Variants in ELF1 observed in about 807,000 individuals in gnomAD.
The protein encoded by ELF1 is ETS-related transcription factor Elf-1.
Under a neutral mutation model 59.9 loss-of-function variants are expected in ELF1, and 24 were observed. The ratio of observed to expected loss-of-function variants is 0.40; its 90% CI spans 0.29 to 0.56. The LOEUF is 0.56. Ranked by LOEUF, ELF1 falls within the 20% of genes least tolerant of loss-of-function variation. The pLI is 0.44. For missense variants in ELF1, 627 were observed against 742.2 expected, an observed-to-expected ratio of 0.84 and a Z score of 1.80; for synonymous variants, 248 against 266.2, an observed-to-expected ratio of 0.93 and a Z score of 0.67.
chr13:41,024,207 A>G (rs1340689222), upstream of ELF1, among the ~76,000 whole-genome samples: 1 of 152,186 alleles, frequency 6.6e-6, no homozygotes, highest in Non-Finnish European at 1.5e-5. Flanking sequence ...CCCCTGAAGG[A>G]GCTTTATGAA....
upstream of ELF1, among the ~76,000 whole-genome samples, chr13:41,019,587 T>C (rs967680108): frequency 6.6e-6 from 1 of 152,140 alleles, no homozygotes; most frequent in East Asian, 1.9e-4. Flanking sequence ...TTAAAAACTA[T>C]ATATTGTTTT....
At chr13:41,028,676 T>G (rs1288116958) in intron 1 of ELF1, among the ~76,000 whole-genome samples, 2 of 152,238 alleles carry the variant, frequency 1.3e-5, no homozygotes, top group African/African-American at 4.8e-5. Context: ...TTCCTCTTAT[T>G]CCTTTACTAT....
intron 8 of ELF1, 137 bp from the exon 9 acceptor site, chr13:40,934,165 G>A: frequency 8.6e-7 from 1 of 1,164,720 alleles, no homozygotes; most frequent in Non-Finnish European, 1.2e-6. Context: ...AACAGAGCAT[G>A]ACCAATATCA....
intron 3 of ELF1, 172 bp from the exon 4 acceptor site, chr13:40,951,608 A>G (rs1032741723): frequency 2.4e-6 from 1 of 421,236 alleles, no homozygotes; most frequent in Non-Finnish European, 4.1e-6. Context: ...GCAGTGGCTC[A>G]TTCCTGTAAT....
rs141544096 is a variant in ELF1, at chr13:40,983,689, GA to G, written c.-228-1408del. Among the ~76,000 whole-genome samples, 234 of 150,528 alleles carry G rather than the reference GA, an allele frequency of 1.6e-3. 2 individuals are homozygous for G. The highest frequency in any genetic ancestry group is 4.9e-3 in the African/African-American group (202 of 41,042). On this transcript the variant is annotated intron_variant, in intron 1 of 8. Coordinates refer to ENST00000239882, the MANE Select transcript of ELF1 (RefSeq NM_172373.4). ...AGCAATGTACCATATCTAGAAGAGGGAAAAAAAAAGTGTTTTGATTTAAATT... is the reference window on the plus strand; with the variant it reads ...AGCAATGTACCATATCTAGAAGAGGGAAAAAAAAGTGTTTTGATTTAAATT...
intron 3 of ELF1, among the ~76,000 whole-genome samples, chr13:40,954,649 T>G (rs1016267139): frequency 2.6e-5 from 4 of 152,158 alleles, no homozygotes; most frequent in African/African-American, 7.2e-5. Context: ...GGGGTTTTGC[T>G]GTGTTGGCCG....
At chr13:41,030,833 G>T (rs1593403835) in intron 1 of ELF1, among the ~76,000 whole-genome samples, 1 of 151,740 alleles carries the variant, frequency 6.6e-6, no homozygotes, top group African/African-American at 2.4e-5. Context: ...GGGGGGTGGG[G>T]GGTGCAGTGG....
intron 5 of ELF1, among the ~76,000 whole-genome samples, chr13:40,947,333 G>C (rs937312328): frequency 6.6e-6 from 1 of 152,146 alleles, no homozygotes; most frequent in South Asian, 2.1e-4. Flanking sequence ...CTTGAGGTCA[G>C]GAGTTCAAGA....
chr13:40,964,546 G>C (rs761467227), intron 2 of ELF1, among the ~76,000 whole-genome samples: 6 of 151,788 alleles, frequency 4.0e-5, no homozygotes, highest in Non-Finnish European at 7.4e-5. Context: ...ATGGAGTGCA[G>C]TGGCGTGATC....
At chr13:40,956,047 C>G (rs1298893801) in intron 3 of ELF1, among the ~76,000 whole-genome samples, 1 of 148,252 alleles carries the variant, frequency 6.7e-6, no homozygotes, top group East Asian at 2.0e-4. Context: ...CCCCTCTGCC[C>G]GGCCACCACC....
chr13:40,977,948 T>C (rs1334231499), intron 2 of ELF1, among the ~76,000 whole-genome samples: 2 of 152,136 alleles, frequency 1.3e-5, no homozygotes, highest in South Asian at 4.1e-4. Context: ...GTGAAAAACA[T>C]AAAACATTCA....
intron 1 of ELF1, among the ~76,000 whole-genome samples, chr13:41,050,075 G>C (rs1877021922): frequency 6.6e-6 from 1 of 152,190 alleles, no homozygotes; most frequent in African/African-American, 2.4e-5. Flanking sequence ...TAAGTATACA[G>C]TTCAATAGTC....
intron 2 of ELF1, among the ~76,000 whole-genome samples, chr13:40,961,540 G>T (rs1482522394): frequency 6.6e-6 from 1 of 151,778 alleles, no homozygotes; most frequent in Non-Finnish European, 1.5e-5. Context: ...TTCAGCCTGG[G>T]CAACACAGCA....
At chr13:40,935,602 GC>G (rs1046799954) in intron 8 of ELF1, among the ~76,000 whole-genome samples, 3 of 151,954 alleles carry the variant, frequency 2.0e-5, no homozygotes, top group African/African-American at 7.3e-5. Flanking sequence ...AAGTTCTCTT[GC>G]CCATTTGATT....
At chr13:41,002,342 C>G (rs931218072) in intron 1 of ELF1, among the ~76,000 whole-genome samples, 1 of 151,810 alleles carries the variant, frequency 6.6e-6, no homozygotes, top group South Asian at 2.1e-4. Context: ...TAGTAGATGG[C>G]CTGCAGAAAT....
intron 1 of ELF1, among the ~76,000 whole-genome samples, chr13:40,984,611 C>T (rs1048948078): frequency 6.6e-6 from 1 of 152,012 alleles, no homozygotes; most frequent in East Asian, 1.9e-4. Context: ...CTACAAATAT[C>T]CTTTATTTAA....
At chr13:41,006,700 C>T (rs2138350907) in intron 1 of ELF1, among the ~76,000 whole-genome samples, 1 of 152,238 alleles carries the variant, frequency 6.6e-6, no homozygotes, top group African/African-American at 2.4e-5. Context: ...AACGTTCATA[C>T]CATGAAAACA....
At chr13:40,935,560 G>A (rs1422751917) in intron 8 of ELF1, among the ~76,000 whole-genome samples, 1 of 152,144 alleles carries the variant, frequency 6.6e-6, no homozygotes, top group African/African-American at 2.4e-5. Flanking sequence ...CATTCACGCA[G>A]GATACAGATT....
chr13:40,968,867 G>A, intron 2 of ELF1, among the ~76,000 whole-genome samples: 1 of 151,976 alleles, frequency 6.6e-6, no homozygotes, highest in Non-Finnish European at 1.5e-5. Flanking sequence ...GAACAGGCAT[G>A]TGCCACCACA....
Sources: gnomAD v4.1 joint callset for allele counts (sites outside exome capture counted in the v4.1 genomes callset) on GRCh38, gnomAD v4.1.1 for gene constraint, MANE v1.5 for transcripts, NCBI Gene and HGNC (gene_info 2026-07-23, HGNC 2026-07-21) for gene names.